Variants in GPD1 observed in about 807,000 individuals in gnomAD.
GPD1 encodes glycerol-3-phosphate dehydrogenase [NAD(+)], cytoplasmic.
GPD1 carries 19 observed loss-of-function variants against 34.4 expected under a neutral mutation model. The ratio of observed to expected loss-of-function variants is 0.55; its 90% CI spans 0.39 to 0.81. The LOEUF is 0.81. Ranked by LOEUF, GPD1 falls within the 30% of genes least tolerant of loss-of-function variation. The pLI is 0.00. For missense variants in GPD1, 429 were observed against 447.0 expected, an observed-to-expected ratio of 0.96 and a Z score of 0.36; for synonymous variants, 172 against 174.1, an observed-to-expected ratio of 0.99 and a Z score of 0.09.
rs988393358 is a variant in GPD1, at chr12:50,110,395, C to T, written c.*876C>T. On this transcript the variant is annotated 3_prime_UTR_variant, in exon 8 of 8. Transcript: ENST00000301149. ...CTCAGATCACTCAGCTCCCTGTGACCTTTGTATTCACCCAGGCTTCCTTCT... is the reference window on the plus strand; with the variant it reads ...CTCAGATCACTCAGCTCCCTGTGACTTTTGTATTCACCCAGGCTTCCTTCT... The T allele has an allele frequency of 6.5e-6, 1 of 152,942 alleles. No individual in the cohort carries two copies. Among genetic ancestry groups the T allele is most frequent in the African/African-American group, 2.4e-5 (1 of 41,464 alleles). The allele number at this position is 152,942 out of a possible 1,614,324, so 9.5% of individuals were successfully genotyped here. A position where few individuals can be genotyped will look rare whatever the true frequency, so the allele number is the denominator to read the frequency against.
At chr12:50,104,270 C>A in intron 1 of GPD1, 179 bp downstream of exon 1, 1 of 711,078 alleles carries the variant, frequency 1.4e-6, no homozygotes. Flanking sequence ...CCCTCCTGGG[C>A]AGCTGCACCT....
Position 50,109,648 on chromosome 12 carries a change from C to G in GPD1, c.*129C>G. 1 of 625,634 alleles carries G rather than the reference C, an allele frequency of 1.6e-6. No homozygotes were observed. Among genetic ancestry groups the G allele is most frequent in the South Asian group, 1.8e-5 (1 of 54,984 alleles). The allele number at this position is 625,634 out of a possible 1,614,324, so 38.8% of individuals were successfully genotyped here. ...GTCTTCTCATCTTTTCACTGGAGGA[C>G]AGGAGGCTATGGGGCCCAGCTACGC... On this transcript the variant is annotated 3_prime_UTR_variant, in exon 8 of 8. Transcript: ENST00000301149.
At chr12:50,105,723 T>C in intron 3 of GPD1, 35 bp downstream of exon 3, 2 of 1,608,150 alleles carry the variant, frequency 1.2e-6, no homozygotes, top group Non-Finnish European at 1.7e-6. Flanking sequence ...TGGGGGAGGG[T>C]GCGGCTCACT....
chr12:50,108,052 T>G lies in GPD1; in HGVS notation c.875T>G (p.Leu292Arg). 1.9e-6 allele frequency: 3 copies of G among 1,612,874 alleles called. No individual in the cohort carries two copies. Among genetic ancestry groups the G allele is most frequent in the Non-Finnish European group, 2.5e-6 (3 of 1,179,216 alleles). The change falls in exon 7 of 8, where the codon CTG becomes CGG. Residue 292 changes from leucine (L) to arginine (R), a missense_variant. Leu to Arg is a moderately radical substitution (Grantham distance 102). Transcript: ENST00000301149. Reference sequence around the variant, plus strand: ...ATTGAGCAGCTGGAGAAAGAGTTGCTGAATGGGCAGAAACTGCAGGGGCCC... The same window carrying G: ...ATTGAGCAGCTGGAGAAAGAGTTGCGGAATGGGCAGAAACTGCAGGGGCCC... ...KSIEQLEKELLNGQKLQGPET... is the reference protein window; with the variant it reads ...KSIEQLEKELRNGQKLQGPET...
In GPD1 at chr12:50,105,683, A is replaced by C. The variant is rs1161340190; in HGVS notation, c.355A>C (p.Ile119Leu). 1 of 1,614,084 alleles carries C rather than the reference A, an allele frequency of 6.2e-7. No homozygotes were observed. The highest frequency in any genetic ancestry group is 8.5e-7 in the Non-Finnish European group (1 of 1,179,982). ...GGCAAACGCCACTGGCATATCTCTTATTAAGGTGCCAGGGACACCTTCATG... is the reference window on the plus strand; with the variant it reads ...GGCAAACGCCACTGGCATATCTCTTCTTAAGGTGCCAGGGACACCTTCATG... ...LKANATGISL[I>L]KGVDEGPNGL... Residue 119 changes from isoleucine (I) to leucine (L), a missense_variant, in exon 3 of 8, where the codon ATT becomes CTT. Transcript: ENST00000301149.
In GPD1 at chr12:50,106,444, C is replaced by T. The variant is rs762872841; in HGVS notation, c.499+18C>T. The T allele has an allele frequency of 1.9e-6, 3 of 1,609,778 alleles. No individual in the cohort carries two copies. The South Asian group carries it at 3.3e-5, about 18-fold the overall frequency. On this transcript the variant is annotated intron_variant, in intron 4 of 7. Transcript: ENST00000301149. ...AACCATTGGTGAGAGCCCCCTGGCA[C>T]CTGCATACACAGTGCATCTAGTTGC...
In GPD1 at chr12:50,105,860, T is replaced by G. The variant is rs748809178; in HGVS notation, c.360+172T>G. ...TAGGAAAGCAGTGAGGTGCTGGGGGTCACTGGAAGGGAGGCTGAAGGGAGG... is the reference window on the plus strand; with the variant it reads ...TAGGAAAGCAGTGAGGTGCTGGGGGGCACTGGAAGGGAGGCTGAAGGGAGG... On this transcript the variant is annotated intron_variant, in intron 3 of 7. Transcript: ENST00000301149. The G allele has an allele frequency of 5.4e-6, 4 of 737,934 alleles. No individual in the cohort carries two copies. In the South Asian group the frequency reaches 5.9e-5, roughly 11 times the overall value. The allele number at this position is 737,934 out of a possible 1,614,324, so 45.7% of individuals were successfully genotyped here. A position where few individuals can be genotyped will look rare whatever the true frequency, so the allele number is the denominator to read the frequency against.
rs771766135 is a variant in GPD1 at position 50,106,291 on chromosome 12, G to A, written c.364G>A (p.Val122Ile). 2 of 1,609,114 alleles carry A rather than the reference G, an allele frequency of 1.2e-6. No individual in the cohort carries two copies. Among genetic ancestry groups the A allele is most frequent in the Non-Finnish European group, 1.7e-6 (2 of 1,178,344 alleles). ...NATGISLIKG[V>I]DEGPNGLKLI... ...CTGAGCTCCATCCTGTGCTCAGGGGGTAGACGAGGGCCCCAATGGGCTGAA... is the reference window on the plus strand; with the variant it reads ...CTGAGCTCCATCCTGTGCTCAGGGGATAGACGAGGGCCCCAATGGGCTGAA... Residue 122 changes from valine to isoleucine, a missense_variant, in exon 4 of 8, where the codon GTA (valine) becomes ATA (isoleucine). Physicochemically the swap from Val to Ile is conservative, Grantham distance 29. Transcript: ENST00000301149.
intron 2 of GPD1, 165 bp from the exon 3 acceptor site, chr12:50,105,383 T>A: frequency 1.6e-6 from 1 of 629,860 alleles, no homozygotes; most frequent in Non-Finnish European, 2.7e-6. Context: ...GGGGAGGGAG[T>A]AGAGTGTCTT....
intron 3 of GPD1, chr12:50,105,890 G>A (rs760588532): frequency 8.9e-5 from 63 of 707,632 alleles, no homozygotes; most frequent in South Asian, 1.8e-4. Context: ...GGGAGGAGAC[G>A]AGATTGGTTT....
At position 50,106,872 on chromosome 12, in the gene GPD1, A is replaced by G. The variant is rs1391186553; in HGVS notation, c.567A>G (p.Thr189=). 8 of 1,613,320 alleles carry G rather than the reference A, an allele frequency of 5.0e-6. No homozygotes were observed. The highest frequency in any genetic ancestry group is 5.9e-6 in the Non-Finnish European group (7 of 1,179,328). Residue 189 remains threonine (T), a synonymous_variant, in exon 5 of 8, where the codon ACA becomes ACG. Transcript: ENST00000301149. ...ELMQTPNFRI[T]VVQEVDTVEI... ...TGCAGACACCAAACTTCCGTATCAC[A>G]GTGGTGCAAGAGGTGGACACAGTAG...
At position 50,106,818 on chromosome 12, in the gene GPD1, G is replaced by A. The variant is rs753210151; in HGVS notation, c.513G>A (p.Pro171=). The change falls in exon 5 of 8, where the codon CCG becomes CCA. Residue 171 remains proline (P), a synonymous_variant. Coordinates refer to ENST00000301149, the MANE Select transcript of GPD1 (RefSeq NM_005276.4). The part of the protein sequence containing the change: ...FCETTIGCKD[P]AQGQLLKELM... ...TCCTCACTTTAGGCTGCAAGGACCC[G>A]GCCCAGGGACAACTCCTGAAAGAGC... 8.1e-6 allele frequency: 13 copies of A among 1,601,932 alleles called. No individual in the cohort carries two copies. Among genetic ancestry groups the A allele is most frequent in the Admixed American group, 3.4e-5 (2 of 59,230 alleles).
chr12:50,105,435 G>A, intron 2 of GPD1, 113 bp from the exon 3 acceptor site: 1 of 1,048,282 alleles, frequency 9.5e-7, no homozygotes, highest in Non-Finnish European at 1.4e-6. Context: ...TCCCAAACAA[G>A]CCTTCCTGCT....
At chr12:50,107,889 C>G (rs937609779) in intron 6 of GPD1, 89 bp downstream of exon 6, 1 of 1,082,890 alleles carries the variant, frequency 9.2e-7, no homozygotes, top group Non-Finnish European at 1.4e-6. Context: ...GGAGCACAAA[C>G]ATTAAGACTG....
intron 7 of GPD1, among the ~76,000 whole-genome samples, chr12:50,109,095 A>G (rs1468998434): frequency 6.9e-6 from 1 of 145,050 alleles, no homozygotes; most frequent in African/African-American, 2.6e-5. Flanking sequence ...AGATTGCACC[A>G]CTGCGCTCCA....
At chr12:50,105,895 T>C (rs768219118) in intron 3 of GPD1, 10 of 702,888 alleles carry the variant, frequency 1.4e-5, no homozygotes, top group Non-Finnish European at 2.3e-5. Context: ...GAGACGAGAT[T>C]GGTTTGGAGG....
chr12:50,107,459 C>A, intron 5 of GPD1, 108 bp from the exon 6 acceptor site: 1 of 881,810 alleles, frequency 1.1e-6, no homozygotes, highest in Non-Finnish European at 1.9e-6. Context: ...ACACACTATA[C>A]CTCTCTTCTG....
chr12:50,108,319 CTT>C (rs1950998271), intron 7 of GPD1, among the ~76,000 whole-genome samples, 189 bp downstream of exon 7: 1 of 152,204 alleles, frequency 6.6e-6, no homozygotes, highest in African/African-American at 2.4e-5. Context: ...AGTTCATGGT[CTT>C]TGAACTCCTT....
intron 4 of GPD1, 110 bp from the exon 5 acceptor site, chr12:50,106,695 C>G (rs1950981078): frequency 1.4e-6 from 1 of 713,394 alleles, no homozygotes; most frequent in African/African-American, 1.8e-5. Context: ...TCGCTTAAGC[C>G]CAGGAGTTTG....
Sources: gnomAD v4.1 joint callset for allele counts (sites outside exome capture counted in the v4.1 genomes callset) on GRCh38, gnomAD v4.1.1 for gene constraint, MANE v1.5 for transcripts, NCBI Gene and HGNC (gene_info 2026-07-23, HGNC 2026-07-21) for gene names.